Variants in ADGRL2 observed in about 807,000 individuals in gnomAD.
The protein encoded by ADGRL2 is calcium-independent alpha-latrotoxin receptor 2.
A neutral mutation model predicts 157.4 loss-of-function variants in ADGRL2; 44 were observed. The observed-to-expected ratio is 0.28, with a 90% CI of 0.22 to 0.36. The LOEUF (loss-of-function observed/expected upper bound fraction) is 0.36. Among genes scored for constraint, ADGRL2 ranks in the 10% least tolerant of loss-of-function variants. The probability of loss-of-function intolerance (pLI) is 1.00; values close to 1 mark genes in which losing one functional copy is unlikely to be tolerated. For missense variants in ADGRL2, 1,510 were observed against 1,768.9 expected (o/e 0.85, Z 2.63); for synonymous variants, 585 against 624.7 (o/e 0.94, Z 0.95).
intron 2 of ADGRL2, among the ~76,000 whole-genome samples, chr1:81,496,757 G>C (rs889209867): frequency 1.3e-5 from 2 of 151,980 alleles, no homozygotes; most frequent in East Asian, 3.9e-4. Flanking sequence ...TTAGAAATGA[G>C]CTTAATGAAT....
At chr1:81,356,106 G>T (rs1437927290) in intron 1 of ADGRL2, among the ~76,000 whole-genome samples, 3 of 152,158 alleles carry the variant, frequency 2.0e-5, no homozygotes, top group Non-Finnish European at 2.9e-5. Context: ...AGAAAAACCT[G>T]AGATGGCCTG....
intron 14 of ADGRL2, 120 bp from the exon 15 acceptor site, chr1:81,969,058 A>C: frequency 1.4e-6 from 1 of 722,140 alleles, no homozygotes; most frequent in Non-Finnish European, 2.4e-6. Context: ...TTGAACACAT[A>C]TGAATAGTAT....
At chr1:81,436,856 C>G (rs945667356) in intron 1 of ADGRL2, among the ~76,000 whole-genome samples, 1 of 152,202 alleles carries the variant, frequency 6.6e-6, no homozygotes, top group African/African-American at 2.4e-5. Context: ...TATTGGCATT[C>G]ATGCCATAGC....
intron 1 of ADGRL2, among the ~76,000 whole-genome samples, chr1:81,807,752 A>G (rs1253606637): frequency 6.6e-6 from 1 of 151,242 alleles, no homozygotes; most frequent in Non-Finnish European, 1.5e-5. Context: ...AAGTATAGAA[A>G]TTTTCTTAAT....
At chr1:81,779,595 T>C (rs2086732737) in intron 2 of ADGRL2, among the ~76,000 whole-genome samples, 1 of 152,230 alleles carries the variant, frequency 6.6e-6, no homozygotes, top group South Asian at 2.1e-4. Flanking sequence ...TGCTTGATTA[T>C]GTTTCCCCTT....
intron 2 of ADGRL2, among the ~76,000 whole-genome samples, chr1:81,529,516 C>G (rs991016481): frequency 6.6e-6 from 1 of 152,200 alleles, no homozygotes; most frequent in Non-Finnish European, 1.5e-5. Context: ...TTATTGAATG[C>G]TTATCTTTTG....
intron 2 of ADGRL2, among the ~76,000 whole-genome samples, chr1:81,553,086 A>G (rs1342232482): frequency 1.3e-5 from 2 of 152,156 alleles, no homozygotes; most frequent in East Asian, 1.9e-4. Flanking sequence ...CCACCCAATC[A>G]TTTGGGAACA....
chr1:81,868,029 A>G (rs1334236630), intron 2 of ADGRL2, among the ~76,000 whole-genome samples: 1 of 151,084 alleles, frequency 6.6e-6, no homozygotes, highest in African/African-American at 2.4e-5. Flanking sequence ...TTAATAAAAA[A>G]GCTCCACTTT....
intron 1 of ADGRL2, among the ~76,000 whole-genome samples, chr1:81,343,453 T>G (rs1662237667): frequency 6.6e-6 from 1 of 152,174 alleles, no homozygotes; most frequent in South Asian, 2.1e-4. Flanking sequence ...AAACATGTTT[T>G]AAGGGCCAAT....
At chr1:81,899,201 A>G (rs1008737814) in intron 2 of ADGRL2, among the ~76,000 whole-genome samples, 1 of 152,228 alleles carries the variant, frequency 6.6e-6, no homozygotes, top group African/African-American at 2.4e-5. Context: ...ACTTTGTTAG[A>G]AAAGCAAATG....
chr1:81,727,776 G>A (rs1301058452), intron 1 of ADGRL2, among the ~76,000 whole-genome samples: 1 of 151,612 alleles, frequency 6.6e-6, no homozygotes, highest in African/African-American at 2.4e-5. Flanking sequence ...AAAACATCGT[G>A]TTTAATGGCT....
chr1:81,736,995 C>T (rs779711062), intron 1 of ADGRL2, among the ~76,000 whole-genome samples: 11 of 151,912 alleles, frequency 7.2e-5, no homozygotes, highest in East Asian at 1.9e-4. Flanking sequence ...CCACCATGCC[C>T]GGCTAATTTT....
chr1:81,789,097 A>T (rs929679492), intron 2 of ADGRL2, among the ~76,000 whole-genome samples: 1 of 152,170 alleles, frequency 6.6e-6, no homozygotes, highest in Non-Finnish European at 1.5e-5. Flanking sequence ...AAAACCAAGG[A>T]CAGTGCGACC....
intron 2 of ADGRL2, among the ~76,000 whole-genome samples, chr1:81,862,120 T>A (rs2093409609): frequency 6.6e-6 from 1 of 152,142 alleles, no homozygotes; most frequent in Non-Finnish European, 1.5e-5. Flanking sequence ...TAACTTAAGG[T>A]AATAGAAAAT....
chr1:81,985,999 TG>T (rs1663041700), intron 21 of ADGRL2, among the ~76,000 whole-genome samples: 2 of 152,058 alleles, frequency 1.3e-5, no homozygotes, highest in Non-Finnish European at 2.9e-5. Context: ...TTTATTACAA[TG>T]AAATATAATG....
chr1:81,753,772 T>C lies in ADGRL2; in HGVS notation c.-142-8039T>C, dbSNP rs142961066. Among the ~76,000 whole-genome samples, 127 of 152,286 alleles carry C rather than the reference T, an allele frequency of 8.3e-4. No homozygotes were observed. In the East Asian group the frequency reaches 0.021, roughly 26 times the overall value. On this transcript the variant is annotated intron_variant, in intron 1 of 20. Coordinates refer to the ADGRL2 transcript ENST00000359929. ...TGGTTTTGATCTGTTTTTTAGTTGA[T>C]CAGTCAAGTAATAATTTGCATCATA...
intron 2 of ADGRL2, among the ~76,000 whole-genome samples, chr1:81,792,751 A>G (rs1474946534): frequency 6.6e-6 from 1 of 152,092 alleles, no homozygotes; most frequent in Non-Finnish European, 1.5e-5. Context: ...TTAAGGAAAC[A>G]GTATTTACAA....
At chr1:81,970,769 T>C (rs1393707456) in intron 16 of ADGRL2, among the ~76,000 whole-genome samples, 2 of 152,174 alleles carry the variant, frequency 1.3e-5, no homozygotes, top group Admixed American at 6.5e-5. Flanking sequence ...ACACAAAAGA[T>C]TGACCTGAAA....
chr1:81,588,660 G>T (rs80243023), intron 3 of ADGRL2, among the ~76,000 whole-genome samples: 3 of 152,204 alleles, frequency 2.0e-5, no homozygotes, highest in East Asian at 1.9e-4. Context: ...GCCCTAATCT[G>T]GTTATGGTTG....
Sources: allele counts gnomAD v4.1 joint callset (sites outside exome capture counted in the v4.1 genomes callset), GRCh38; gene constraint gnomAD v4.1.1; transcripts MANE v1.5; gene names NCBI Gene and HGNC (gene_info 2026-07-23, HGNC 2026-07-21).